Variants in POU3F3 observed in about 807,000 individuals in gnomAD.
The protein encoded by POU3F3 is POU class 3 homeobox 3.
In POU3F3, 1 loss-of-function variant was observed where a neutral mutation model predicts 8.6. That is an observed-to-expected ratio of 0.12 (90% CI 0.04 to 0.55). The LOEUF (loss-of-function observed/expected upper bound fraction) is 0.55, where lower values mean the gene tolerates loss of function less well. POU3F3 is among the 20% of genes least tolerant of loss of function. POU3F3 has a pLI of 0.91. For synonymous variants in POU3F3, 418 were observed against 327.4 expected (o/e 1.28, Z -2.99); for missense variants, 577 against 690.7 (o/e 0.84, Z 1.84).
the POU3F3 span, among the ~76,000 whole-genome samples, chr2:104,917,526 T>C: frequency 2.0e-5 from 3 of 151,724 alleles, no homozygotes; most frequent in African/African-American, 7.3e-5. Context: ...GAAGAAGTGA[T>C]GTTTGAATGA....
chr2:104,893,883 CAAAAAAA>C, the POU3F3 span, among the ~76,000 whole-genome samples: 1 of 87,800 alleles, frequency 1.1e-5, no homozygotes, highest in Non-Finnish European at 2.3e-5. Context: ...AACTCTGTCT[CAAAAAAA>C]AAAAAAAAAA....
chr2:104,871,014 G>T, the POU3F3 span, among the ~76,000 whole-genome samples: 2 of 152,290 alleles, frequency 1.3e-5, no homozygotes, highest in East Asian at 3.9e-4. Flanking sequence ...TCTCTTTGCT[G>T]CCTGGGTTCC....
At chr2:104,887,807 G>A in the POU3F3 span, among the ~76,000 whole-genome samples, 1 of 152,232 alleles carries the variant, frequency 6.6e-6, no homozygotes, top group South Asian at 2.1e-4. Flanking sequence ...ATGCGTCCAT[G>A]GTCCATGAAC....
Position 104,856,132 on chromosome 2 carries a change from T to C in POU3F3, c.622T>C (p.Ser208Pro). 1 of 1,189,350 alleles carries C rather than the reference T, an allele frequency of 8.4e-7. No individual in the cohort carries two copies. Among genetic ancestry groups the C allele is most frequent in the Non-Finnish European group, 1.0e-6 (1 of 962,166 alleles). The allele number at this position is 1,189,350 out of a possible 1,614,324, so 73.7% of individuals were successfully genotyped here. The change falls in exon 1 of 1, where the codon TCC (serine) becomes CCC (proline). Residue 208 changes from serine to proline, a missense_variant. Physicochemically the swap from Ser to Pro is moderately conservative, Grantham distance 74. This residue lies in a region of POU3F3 where 484 missense variants were observed against 422.6 expected (regional missense o/e 1.15). Transcript: ENST00000361360. ...CGCCGCCGCCGCCGCGCACCTCCCG[T>C]CCATGGCCGGGGGCCAGCAGCCGCC... Reference protein sequence around the residue: ...AAAAAAAHLPSMAGGQQPPPQ... With the variant: ...AAAAAAAHLPPMAGGQQPPPQ...
the POU3F3 span, among the ~76,000 whole-genome samples, chr2:104,890,515 T>C: frequency 6.6e-6 from 1 of 152,300 alleles, no homozygotes; most frequent in South Asian, 2.1e-4. Context: ...AGCAGCCTGC[T>C]TCTGATAAGA....
the POU3F3 span, among the ~76,000 whole-genome samples, chr2:104,889,991 C>T: frequency 6.6e-6 from 1 of 152,148 alleles, no homozygotes; most frequent in Non-Finnish European, 1.5e-5. Context: ...GGATGACAGG[C>T]AGGCAGCGCA....
the POU3F3 span, among the ~76,000 whole-genome samples, chr2:104,911,969 T>A: frequency 6.6e-6 from 1 of 152,226 alleles, no homozygotes; most frequent in Non-Finnish European, 1.5e-5. Flanking sequence ...AAAGTCTTTA[T>A]CCTGAAGTCA....
chr2:104,913,828 T>C, the POU3F3 span, among the ~76,000 whole-genome samples: 2 of 152,206 alleles, frequency 1.3e-5, no homozygotes, highest in African/African-American at 4.8e-5. Flanking sequence ...GCTCTGTGTA[T>C]ACTTTGAAAA....
chr2:104,926,139 A>G, the POU3F3 span: 1 of 152,248 alleles, frequency 6.6e-6, no homozygotes, highest in African/African-American at 2.4e-5. Flanking sequence ...CTGCACAGCA[A>G]AAGAAACTCT....
chr2:104,874,394 T>C, the POU3F3 span, among the ~76,000 whole-genome samples: 1 of 151,930 alleles, frequency 6.6e-6, no homozygotes, highest in African/African-American at 2.4e-5. Flanking sequence ...GAGCCAGTGG[T>C]CATGGGAGGT....
downstream of POU3F3, among the ~76,000 whole-genome samples, chr2:104,862,544 G>GA (rs554203944): frequency 3.4e-3 from 520 of 152,092 alleles, 5 homozygotes; most frequent in African/African-American, 0.012. Context: ...TTCTCTCCGG[G>GA]AGGGAGGGCA....
Position 104,854,290 on chromosome 2 carries a change from G to GGCCAGC in POU3F3, c.-1211_-1206dup, listed in dbSNP as rs1347104949. ...TCCTGCTGCAACTCTGCTCCAGCAC[G>GGCCAGC]GCCAGCGCCAGCGCCCGCCGTCGGT... On this transcript the variant is annotated 5_prime_UTR_variant, in exon 1 of 1. Coordinates refer to ENST00000361360, the MANE Select transcript of POU3F3 (RefSeq NM_006236.3). This position sits in a 1 kb window ranked among gnomAD's most constrained non-coding sequence, Gnocchi z 4.5. 5.3e-5 allele frequency among the ~76,000 whole-genome samples: 8 copies of GGCCAGC among 152,160 alleles called. No individual in the cohort carries two copies. Among genetic ancestry groups the GGCCAGC allele is most frequent in the Non-Finnish European group, 1.0e-4 (7 of 68,032 alleles).
At chr2:104,887,844 G>A in the POU3F3 span, among the ~76,000 whole-genome samples, 2 of 152,178 alleles carry the variant, frequency 1.3e-5, no homozygotes, top group Non-Finnish European at 2.9e-5. Context: ...ACATGCAAAA[G>A]CATTTTATTT....
the POU3F3 span, among the ~76,000 whole-genome samples, chr2:104,916,927 C>T: frequency 6.6e-6 from 1 of 152,226 alleles, no homozygotes; most frequent in Non-Finnish European, 1.5e-5. Context: ...TCAGTAGACT[C>T]AGTAAACAAG....
the POU3F3 span, chr2:104,867,158 A>T: frequency 1.3e-5 from 2 of 152,214 alleles, no homozygotes; most frequent in Non-Finnish European, 2.9e-5. This position sits in a 1 kb window ranked among gnomAD's most constrained non-coding sequence, Gnocchi z 5.0. Flanking sequence ...TTCTTCCAGG[A>T]CAGCATCGCC....
chr2:104,856,958 C>T lies in POU3F3; in HGVS notation c.1448C>T (p.Thr483Ile). ...GACGACGTCTACTCGCAGGTGGGCA[C>T]CGTGAGCGCCGACACGCCGCCGCCT... ...TPDDVYSQVG[T>I]VSADTPPPHH... The change falls in exon 1 of 1, where the codon ACC (threonine) becomes ATC (isoleucine). Residue 483 changes from threonine to isoleucine, a missense_variant. Transcript: ENST00000361360. 1 of 1,612,086 alleles carries T rather than the reference C, an allele frequency of 6.2e-7. No homozygotes were observed. Among genetic ancestry groups the T allele is most frequent in the African/African-American group, 1.3e-5 (1 of 75,026 alleles).
At chr2:104,926,674 T>A in the POU3F3 span, among the ~76,000 whole-genome samples, 16 of 152,288 alleles carry the variant, frequency 1.1e-4, no homozygotes, top group African/African-American at 3.6e-4. Flanking sequence ...CTGTTCACAA[T>A]AGCAAAGACT....
At chr2:104,862,974 AC>A (rs2104345521), downstream of POU3F3, among the ~76,000 whole-genome samples, 1 of 151,866 alleles carries the variant, frequency 6.6e-6, no homozygotes, top group African/African-American at 2.4e-5. Flanking sequence ...GGAAAAAATA[AC>A]GGCTTTCAAG....
At chr2:104,882,018 T>C in the POU3F3 span, among the ~76,000 whole-genome samples, 1 of 152,236 alleles carries the variant, frequency 6.6e-6, no homozygotes, top group Non-Finnish European at 1.5e-5. Context: ...CAAGTTGTTA[T>C]TTTGCTTATT....
Sources: gnomAD v4.1 joint callset for allele counts (sites outside exome capture counted in the v4.1 genomes callset) on GRCh38, gnomAD v4.1.1 for gene constraint, gnomAD v4.1.1 regional missense constraint, Gnocchi (gnomAD v3.1) non-coding constraint, MANE v1.5 for transcripts, NCBI Gene and HGNC (gene_info 2026-07-23, HGNC 2026-07-21) for gene names.